SDK2: variants seen among roughly 807,000 people sequenced by gnomAD.
SDK2 encodes sidekick cell adhesion molecule 2.
A neutral mutation model predicts 253.9 loss-of-function variants in SDK2; 105 were observed. The ratio of observed to expected loss-of-function variants is 0.41; its 90% CI spans 0.35 to 0.49. The LOEUF (loss-of-function observed/expected upper bound fraction) is 0.49. Ranked by LOEUF, SDK2 falls within the 20% of genes least tolerant of loss-of-function variation. The probability of loss-of-function intolerance (pLI) is 0.06; values close to 1 mark genes in which losing one functional copy is unlikely to be tolerated. For synonymous variants in SDK2, 1,249 were observed against 1,234.9 expected (o/e 1.01, Z -0.24); for missense variants, 2,608 against 3,003.0 (o/e 0.87, Z 3.07).
rs115265853 is a variant in SDK2 at position 73,527,229 on chromosome 17, G to A, written c.65-19632C>T. 7.3e-3 allele frequency among the ~76,000 whole-genome samples: 1,111 copies of A among 152,322 alleles called. 10 individuals carry two copies. Among genetic ancestry groups the A allele is most frequent in the African/African-American group, 0.026 (1,071 of 41,550 alleles). Reference sequence around the variant, plus strand: ...TGGCATTGGACTGTCACTCTGCACAGGGGGAGGGGAGCAGGATGATGCAGT... The same window carrying A: ...TGGCATTGGACTGTCACTCTGCACAAGGGGAGGGGAGCAGGATGATGCAGT... On this transcript the variant is annotated intron_variant, in intron 1 of 44. Transcript: ENST00000392650.
At chr17:73,433,470 A>G (rs1326318822) in intron 10 of SDK2, among the ~76,000 whole-genome samples, 1 of 152,136 alleles carries the variant, frequency 6.6e-6, no homozygotes, top group African/African-American at 2.4e-5. Context: ...TATTTTTAGT[A>G]GAGACCGGGT....
chr17:73,494,076 C>T (rs544776956), intron 2 of SDK2, among the ~76,000 whole-genome samples: 23 of 152,358 alleles, frequency 1.5e-4, no homozygotes, highest in African/African-American at 5.5e-4. Flanking sequence ...AGTCCCTCTC[C>T]TGTTCCCAGG....
chr17:73,383,913 G>A lies in SDK2; in HGVS notation c.4668C>T (p.Gly1556=). ...YEGLRGFTLR[G]INNPGATWAE... ...CCCATGTGGCCCCTGGGTTGTTGAT[G>A]CCTCGAAGCGTGAAGCCCCTCAGTC... Residue 1556 remains glycine, a synonymous_variant, in exon 33 of 45, where the codon GGC becomes GGT. Coordinates refer to ENST00000392650, the MANE Select transcript of SDK2 (RefSeq NM_001144952.2). This position sits in a 1 kb window ranked among gnomAD's most constrained non-coding sequence, Gnocchi z 4.3. 1 of 1,613,968 alleles carries A rather than the reference G, an allele frequency of 6.2e-7. No individual in the cohort carries two copies. Among genetic ancestry groups the A allele is most frequent in the Non-Finnish European group, 8.5e-7 (1 of 1,179,888 alleles).
chr17:73,573,372 G>C (rs1424802925), intron 1 of SDK2, among the ~76,000 whole-genome samples: 5 of 152,120 alleles, frequency 3.3e-5, no homozygotes, highest in African/African-American at 1.2e-4. Flanking sequence ...ACCAGGGAAA[G>C]GACACTGGTA....
intron 2 of SDK2, among the ~76,000 whole-genome samples, chr17:73,483,478 T>TG (rs2063740215): frequency 9.9e-6 from 1 of 101,492 alleles, no homozygotes; most frequent in East Asian, 2.9e-4. Flanking sequence ...CTGGCTAATC[T>TG]TTGTGTGTGT....
At chr17:73,529,546 T>C (rs755350841) in intron 1 of SDK2, among the ~76,000 whole-genome samples, 12 of 151,954 alleles carry the variant, frequency 7.9e-5, no homozygotes, top group African/African-American at 1.5e-4. Context: ...AATTTGGAAA[T>C]AGAGACCTTG....
intron 2 of SDK2, among the ~76,000 whole-genome samples, chr17:73,494,088 G>T (rs2063825346): frequency 6.6e-6 from 1 of 152,204 alleles, no homozygotes; most frequent in Non-Finnish European, 1.5e-5. Context: ...GTTCCCAGGG[G>T]CCCAGCCTGA....
At chr17:73,535,605 T>C (rs2044759819) in intron 1 of SDK2, among the ~76,000 whole-genome samples, 1 of 152,254 alleles carries the variant, frequency 6.6e-6, no homozygotes, top group African/African-American at 2.4e-5. Context: ...TTGCCCACCA[T>C]TGCCAATTTC....
At chr17:73,575,893 A>G (rs2045451953) in intron 1 of SDK2, among the ~76,000 whole-genome samples, 1 of 152,154 alleles carries the variant, frequency 6.6e-6, no homozygotes, top group African/African-American at 2.4e-5. Flanking sequence ...TCACAGTCTC[A>G]AGGGGGAGAG....
intron 29 of SDK2, among the ~76,000 whole-genome samples, chr17:73,388,376 G>A (rs1420970077): frequency 6.6e-6 from 1 of 152,164 alleles, no homozygotes; most frequent in Admixed American, 6.5e-5. Context: ...CGGGCCCTGC[G>A]CTGTCCCTGA....
At chr17:73,357,167 G>A (rs1268830563) in intron 40 of SDK2, among the ~76,000 whole-genome samples, 1 of 152,256 alleles carries the variant, frequency 6.6e-6, no homozygotes, top group Non-Finnish European at 1.5e-5. Flanking sequence ...ATTAAGGCAG[G>A]AGCGGTGGTA....
intron 1 of SDK2, among the ~76,000 whole-genome samples, chr17:73,546,841 A>T (rs1482232708): frequency 1.3e-5 from 2 of 152,232 alleles, no homozygotes; most frequent in African/African-American, 4.8e-5. Flanking sequence ...CACTCAAGTT[A>T]TCAGGGTCTT....
At chr17:73,437,078 G>A (rs1452922228) in intron 8 of SDK2, among the ~76,000 whole-genome samples, 1 of 152,152 alleles carries the variant, frequency 6.6e-6, no homozygotes, top group Non-Finnish European at 1.5e-5. Flanking sequence ...CCTTCCCCTT[G>A]TGGAGTCTCA....
At chr17:73,419,390 G>A (rs1432116614) in intron 15 of SDK2, 84 bp from the exon 16 acceptor site, 1 of 1,453,746 alleles carries the variant, frequency 6.9e-7, no homozygotes, top group African/African-American at 1.4e-5. Flanking sequence ...ACCCTGGCCT[G>A]CTCTGACTCT....
At position 73,435,604 on chromosome 17, in the gene SDK2, G is replaced by T; in HGVS notation, c.1041C>A (p.Ala347=). 1.9e-6 allele frequency: 3 copies of T among 1,576,494 alleles called. No homozygotes were observed. Among genetic ancestry groups the T allele is most frequent in the Non-Finnish European group, 2.6e-6 (3 of 1,160,894 alleles). The change falls in exon 9 of 45, where the codon GCC becomes GCA. Residue 347 remains alanine (A), a synonymous_variant. Transcript: ENST00000392650. The surrounding 1 kb of genome is among the most constrained non-coding windows in gnomAD (Gnocchi z 5.7). The stretch of plus-strand genomic sequence containing the variant: ...GGGTCAACTTCTCCACCTCCACCAC[G>T]GCTGCGTCCTTGTACCAGGTGATGG... ...PPSITWYKDA[A]VVEVEKLTRF...
chr17:73,440,015 G>A (rs1057378734), intron 6 of SDK2, among the ~76,000 whole-genome samples: 2 of 152,046 alleles, frequency 1.3e-5, no homozygotes, highest in South Asian at 2.1e-4. Context: ...TTTCATAATT[G>A]TTTCCTGTGT....
chr17:73,489,301 A>G (rs2063789164), intron 2 of SDK2, among the ~76,000 whole-genome samples: 1 of 152,202 alleles, frequency 6.6e-6, no homozygotes, highest in African/African-American at 2.4e-5. Context: ...AAGGAGTTAA[A>G]CATCAGGTCT....
At chr17:73,469,990 GCGCA>G (rs1201226130) in intron 3 of SDK2, among the ~76,000 whole-genome samples, 98 of 105,670 alleles carry the variant, frequency 9.3e-4, no homozygotes, top group African/African-American at 3.0e-3. Context: ...CTGCGCGCGC[GCGCA>G]CACACACACA....
At chr17:73,438,801 G>A (rs1174027975) in intron 6 of SDK2, among the ~76,000 whole-genome samples, 1 of 152,092 alleles carries the variant, frequency 6.6e-6, no homozygotes, top group Non-Finnish European at 1.5e-5. Context: ...GGTCCCTGAG[G>A]ACGGATCTTC....
Sources: allele counts gnomAD v4.1 joint callset (sites outside exome capture counted in the v4.1 genomes callset), GRCh38; gene constraint gnomAD v4.1.1; non-coding constraint Gnocchi (gnomAD v3.1); transcripts MANE v1.5; gene names NCBI Gene and HGNC (gene_info 2026-07-23, HGNC 2026-07-21).